The following RCAN2 variants were observed in gnomAD, a reference collection of about 807,000 sequenced individuals.
RCAN2 encodes the protein regulator of calcineurin 2, also known as calcipressin-2.
A neutral mutation model predicts 23.6 loss-of-function variants in RCAN2; 9 were observed. The ratio of observed to expected loss-of-function variants is 0.38; its 90% confidence interval spans 0.23 to 0.67. The LOEUF is 0.67. Ranked by LOEUF, RCAN2 falls within the 30% of genes least tolerant of loss-of-function variation. RCAN2 has a pLI of 0.51. For missense variants in RCAN2, 273 were observed against 302.3 expected, an observed-to-expected ratio of 0.90 and a Z score of 0.72; for synonymous variants, 109 against 115.7, an observed-to-expected ratio of 0.94 and a Z score of 0.37.
At chr6:46,436,745 A>G (rs908714406) in intron 2 of RCAN2, among the ~76,000 whole-genome samples, 3 of 152,192 alleles carry the variant, frequency 2.0e-5, no homozygotes, top group South Asian at 2.1e-4. Context: ...TCGCACAACT[A>G]ATAAGCAGTG....
chr6:46,468,718 A>C, intron 1 of RCAN2: 1 of 646,672 alleles, frequency 1.5e-6, no homozygotes, highest in Non-Finnish European at 1.9e-6. Flanking sequence ...GGAATGTAAT[A>C]CCCTCAGATT....
At chr6:46,332,130 G>A (rs73452291) in intron 2 of RCAN2, among the ~76,000 whole-genome samples, 1,679 of 152,160 alleles carry the variant, frequency 0.011, 29 homozygotes, top group African/African-American at 0.038. Context: ...GATGCCTAAT[G>A]ATTGTTTTTC....
chr6:46,368,340 A>T (rs1343066272), intron 2 of RCAN2, among the ~76,000 whole-genome samples: 2 of 152,210 alleles, frequency 1.3e-5, no homozygotes, highest in Admixed American at 1.3e-4. Context: ...ATGCCTGGGC[A>T]ACTTGACTCT....
At chr6:46,415,604 G>A (rs1006243039) in intron 2 of RCAN2, among the ~76,000 whole-genome samples, 8 of 152,104 alleles carry the variant, frequency 5.3e-5, no homozygotes, top group Admixed American at 2.0e-4. Context: ...GATATTTGAG[G>A]GCTGGGCAGA....
At chr6:46,352,612 G>A (rs11962674) in intron 2 of RCAN2, among the ~76,000 whole-genome samples, 64,066 of 151,932 alleles carry the variant, frequency 0.42, 14,950 homozygotes, top group East Asian at 0.6. Context: ...ATATTAGGTA[G>A]AAAGAATATT....
intron 4 of RCAN2, among the ~76,000 whole-genome samples, chr6:46,240,320 T>C (rs1766260771): frequency 6.6e-6 from 1 of 151,024 alleles, no homozygotes; most frequent in Non-Finnish European, 1.5e-5. Context: ...TTTGGTCATA[T>C]GTCTTCTGTT....
At chr6:46,409,884 T>C (rs975456186) in intron 2 of RCAN2, among the ~76,000 whole-genome samples, 16 of 152,172 alleles carry the variant, frequency 1.1e-4, no homozygotes, top group African/African-American at 3.6e-4. Context: ...TGTGAGGGTG[T>C]TTCCAGAAGA....
At chr6:46,365,511 A>AAAAGAT in intron 2 of RCAN2, among the ~76,000 whole-genome samples, 1 of 152,102 alleles carries the variant, frequency 6.6e-6, no homozygotes, top group African/African-American at 2.4e-5. Context: ...AAGAAAAAGA[A>AAAAGAT]AAAGAAAAAA....
At chr6:46,435,822 T>C (rs1034502654) in intron 2 of RCAN2, among the ~76,000 whole-genome samples, 7 of 152,226 alleles carry the variant, frequency 4.6e-5, no homozygotes, top group African/African-American at 1.2e-4. Context: ...CCAACACTTA[T>C]CAGGCTTCAC....
chr6:46,321,912 C>T (rs1305834310), intron 2 of RCAN2, among the ~76,000 whole-genome samples: 1 of 152,222 alleles, frequency 6.6e-6, no homozygotes, highest in East Asian at 1.9e-4. Flanking sequence ...TTACTCTAGA[C>T]AATTCTTGGC....
chr6:46,400,026 G>C (rs982405111), intron 2 of RCAN2, among the ~76,000 whole-genome samples: 4 of 152,124 alleles, frequency 2.6e-5, no homozygotes, highest in Non-Finnish European at 5.9e-5. Flanking sequence ...TAAGACCATG[G>C]AAAACCAGAA....
Position 46,246,646 on chromosome 6 carries a change from G to T in RCAN2, c.571+102C>A. ...ACAGAGGAATAAATCTATTAGAAATGCAGATGTTACTGTGAACCCAGGATC... is the reference window on the plus strand; with the variant it reads ...ACAGAGGAATAAATCTATTAGAAATTCAGATGTTACTGTGAACCCAGGATC... On this transcript the variant is annotated intron_variant, in intron 4 of 4. Transcript: ENST00000371374. 4.5e-6 allele frequency: 4 copies of T among 887,146 alleles called. No individual in the cohort carries two copies. In the South Asian group the frequency reaches 6.6e-5, roughly 15 times the overall value. The allele number at this position is 887,146 out of a possible 1,614,324, so 55.0% of individuals were successfully genotyped here. A position where few individuals can be genotyped will look rare whatever the true frequency, so the allele number is the denominator to read the frequency against.
intron 4 of RCAN2, among the ~76,000 whole-genome samples, chr6:46,226,734 G>C (rs962595251): frequency 2.0e-5 from 3 of 152,200 alleles, no homozygotes; most frequent in Non-Finnish European, 4.4e-5. Context: ...TCTGGAAACA[G>C]AGACAATTTG....
intron 2 of RCAN2, among the ~76,000 whole-genome samples, chr6:46,338,414 A>G (rs1437295164): frequency 6.6e-6 from 1 of 152,146 alleles, no homozygotes; most frequent in Non-Finnish European, 1.5e-5. Context: ...CTCATTGGTC[A>G]AGCCCGAGTC....
At chr6:46,224,709 G>A (rs1274863218) in intron 4 of RCAN2, among the ~76,000 whole-genome samples, 1 of 152,144 alleles carries the variant, frequency 6.6e-6, no homozygotes, top group Non-Finnish European at 1.5e-5. Flanking sequence ...CAGTTCCAGT[G>A]ACAGGGCACT....
chr6:46,277,706 G>A (rs1441197844), intron 2 of RCAN2, among the ~76,000 whole-genome samples: 1 of 151,918 alleles, frequency 6.6e-6, no homozygotes, highest in Non-Finnish European at 1.5e-5. Context: ...ATGCCAGAGG[G>A]AGGCATAGAT....
chr6:46,323,813 A>G (rs542996885), intron 2 of RCAN2, among the ~76,000 whole-genome samples: 1 of 152,374 alleles, frequency 6.6e-6, no homozygotes, highest in South Asian at 2.1e-4. Context: ...CATATGCCAT[A>G]TAAGCATATT....
intron 1 of RCAN2, among the ~76,000 whole-genome samples, chr6:46,458,755 T>C (rs1481223849): frequency 6.6e-6 from 1 of 152,248 alleles, no homozygotes; most frequent in African/African-American, 2.4e-5. Flanking sequence ...ATTTATACTG[T>C]TGCTTGAATA....
chr6:46,478,009 G>T (rs1026351535), intron 1 of RCAN2, among the ~76,000 whole-genome samples: 5 of 152,192 alleles, frequency 3.3e-5, no homozygotes, highest in Admixed American at 6.5e-5. Context: ...GAATAGCTCT[G>T]CATGAAAGAT....
Sources: allele counts gnomAD v4.1 joint callset (sites outside exome capture counted in the v4.1 genomes callset), GRCh38; gene constraint gnomAD v4.1.1; transcripts MANE v1.5; gene names NCBI Gene and HGNC (gene_info 2026-07-23, HGNC 2026-07-21).